Variants in CRPPA observed in about 807,000 individuals in gnomAD.
CRPPA encodes CDP-L-ribitol pyrophosphorylase A, also known as D-ribitol-5-phosphate cytidylyltransferase.
A neutral mutation model predicts 52.0 loss-of-function variants in CRPPA; 43 were observed. The ratio of observed to expected loss-of-function variants is 0.83; its 90% CI spans 0.65 to 1.07. The LOEUF (loss-of-function observed/expected upper bound fraction) is 1.07, where lower values mean the gene tolerates loss of function less well. Ranked by LOEUF, CRPPA falls within the 50% of genes least tolerant of loss-of-function variation. CRPPA has a pLI of 0.00. For synonymous variants in CRPPA, 250 were observed against 203.5 expected (o/e 1.23, Z -1.94); for missense variants, 629 against 551.7 (o/e 1.14, Z -1.40).
intron 9 of CRPPA, among the ~76,000 whole-genome samples, chr7:16,128,383 T>C (rs779077956): frequency 4.6e-5 from 7 of 152,148 alleles, no homozygotes; most frequent in Non-Finnish European, 1.0e-4. Context: ...TGATCAAAAG[T>C]CCTATTTTTT....
chr7:16,411,399 T>G (rs1336997530), intron 1 of CRPPA, among the ~76,000 whole-genome samples: 1 of 152,162 alleles, frequency 6.6e-6, no homozygotes, highest in Non-Finnish European at 1.5e-5. Context: ...TCATTGCATC[T>G]ACAGCACTTC....
intron 2 of CRPPA, among the ~76,000 whole-genome samples, chr7:16,385,115 T>C (rs1228351845): frequency 1.3e-5 from 2 of 150,320 alleles, no homozygotes; most frequent in African/African-American, 2.5e-5. Context: ...CGTAATACAA[T>C]CCAAACAAAT....
At chr7:16,378,217 GT>G in intron 2 of CRPPA, among the ~76,000 whole-genome samples, 1 of 151,124 alleles carries the variant, frequency 6.6e-6, no homozygotes, top group East Asian at 2.0e-4. Context: ...CCATTAACTT[GT>G]TATTTAGCAT....
chr7:16,278,213 T>C lies in CRPPA; in HGVS notation c.849A>G (p.Gln283=). ...CTGTATCCATAACTACACAAATCTC[T>C]TGGGAAATTCTCTCTGAAATTAAAA... ...AESIIKERIS[Q]EICVVMDTEE... The change falls in exon 6 of 10, where the codon CAA becomes CAG. Residue 283 remains glutamine, a synonymous_variant. Coordinates refer to ENST00000407010, the MANE Select transcript of CRPPA (RefSeq NM_001101426.4). 2.0e-6 allele frequency: 3 copies of C among 1,535,440 alleles called. No homozygotes were observed. The highest frequency in any genetic ancestry group is 2.7e-6 in the Non-Finnish European group (3 of 1,125,358).
At chr7:16,364,709 T>C (rs1007089327) in intron 3 of CRPPA, among the ~76,000 whole-genome samples, 86 of 152,308 alleles carry the variant, frequency 5.6e-4, no homozygotes, top group African/African-American at 2.0e-3. Flanking sequence ...GCATGAATTC[T>C]CTTGGGTTTC....
At chr7:16,414,067 G>A (rs1481276005) in intron 1 of CRPPA, among the ~76,000 whole-genome samples, 1 of 152,072 alleles carries the variant, frequency 6.6e-6, no homozygotes, top group Non-Finnish European at 1.5e-5. Flanking sequence ...AAGATTTATA[G>A]GGGAGGCCGA....
chr7:16,379,020 T>G (rs895532165), intron 2 of CRPPA, among the ~76,000 whole-genome samples: 3 of 152,314 alleles, frequency 2.0e-5, no homozygotes, highest in Admixed American at 2.0e-4. Flanking sequence ...CTTTGTCAGA[T>G]GAGTAGGTTG....
chr7:16,099,768 T>C (rs572438672), intron 9 of CRPPA, among the ~76,000 whole-genome samples: 38 of 152,334 alleles, frequency 2.5e-4, no homozygotes, highest in African/African-American at 9.1e-4. Flanking sequence ...TTTTATTTTC[T>C]TAAATCAATC....
chr7:16,215,807 G>C (rs959399441), intron 9 of CRPPA, among the ~76,000 whole-genome samples: 2 of 152,100 alleles, frequency 1.3e-5, no homozygotes, highest in African/African-American at 4.8e-5. Context: ...ACTTTTATTT[G>C]ATAAACCTGA....
In CRPPA at chr7:16,421,172, A is replaced by G. The variant is rs1243647213; in HGVS notation, c.151T>C (p.Leu51=). 7.5e-7 allele frequency: 1 copy of G among 1,339,640 alleles called. No individual in the cohort carries two copies. The highest frequency in any genetic ancestry group is 9.6e-7 in the Non-Finnish European group (1 of 1,040,082). 83.0% of individuals were successfully genotyped at this position (1,339,640 alleles called of 1,614,324 possible). The change falls in exon 1 of 10, where the codon TTG becomes CTG. Residue 51 remains leucine (L), a synonymous_variant. Coordinates refer to ENST00000407010, the MANE Select transcript of CRPPA (RefSeq NM_001101426.4). Reference sequence around the variant, plus strand: ...CTCTCCCCGCACCCCCCGGCAGGCAACACAGCTGCCACGGCTTGCGGGTGG... The same window carrying G: ...CTCTCCCCGCACCCCCCGGCAGGCAGCACAGCTGCCACGGCTTGCGGGTGG... The part of the protein sequence containing the change: ...GRHPQAVAAV[L]PAGGCGERMG...
intron 9 of CRPPA, among the ~76,000 whole-genome samples, chr7:16,134,631 T>C (rs888679214): frequency 6.6e-6 from 1 of 152,186 alleles, no homozygotes. Context: ...TTCAAGGGTA[T>C]AATAATCAAT....
chr7:16,277,981 C>G (rs1470505782), intron 6 of CRPPA, 148 bp downstream of exon 6: 2 of 625,166 alleles, frequency 3.2e-6, no homozygotes, highest in Non-Finnish European at 5.7e-6. Flanking sequence ...ATCCTAAGTG[C>G]TGGCAGACCA....
chr7:16,126,357 C>G lies in CRPPA; in HGVS notation c.1252-34558G>C, dbSNP rs17169275. ...AAAAAGGATTCCCATATAAAGGAAA[C>G]AAACTATCAGGATGCAAGGCCCAAA... On this transcript the variant is annotated intron_variant, in intron 9 of 9. Coordinates refer to ENST00000407010, the MANE Select transcript of CRPPA (RefSeq NM_001101426.4). Among the ~76,000 whole-genome samples the G allele has an allele frequency of 1.7e-3, 261 of 152,196 alleles. No homozygotes were observed. The East Asian group carries it at 0.028, about 16-fold the overall frequency.
intron 3 of CRPPA, among the ~76,000 whole-genome samples, chr7:16,368,911 A>G (rs1010766552): frequency 6.6e-6 from 1 of 152,224 alleles, no homozygotes; most frequent in African/African-American, 2.4e-5. Context: ...ATGCACATAT[A>G]TAACTCACAT....
At position 16,376,154 on chromosome 7, in the gene CRPPA, G is replaced by T. The variant is rs1786878351; in HGVS notation, c.622C>A (p.His208Asn). 6.2e-7 allele frequency: 1 copy of T among 1,613,066 alleles called. No individual in the cohort carries two copies. The highest frequency in any genetic ancestry group is 8.5e-7 in the Non-Finnish European group (1 of 1,179,546). The change falls in exon 3 of 10, where the codon CAC becomes AAC. Residue 208 changes from histidine (H) to asparagine (N), a missense_variant. Physicochemically the swap from His to Asn is moderately conservative, Grantham distance 68. Coordinates refer to ENST00000407010, the MANE Select transcript of CRPPA (RefSeq NM_001101426.4). ...GCTTGGGGCATTTCACTTGCTCTGTGTCTGGCACGTTCTAGCGAGTAGTCT... is the reference window on the plus strand; with the variant it reads ...GCTTGGGGCATTTCACTTGCTCTGTTTCTGGCACGTTCTAGCGAGTAGTCT... Reference protein sequence around the residue: ...CLDYSLERARHRASEMPQAFL... With the variant: ...CLDYSLERARNRASEMPQAFL...
chr7:16,178,703 G>A (rs1424664061), intron 9 of CRPPA, among the ~76,000 whole-genome samples: 4 of 151,992 alleles, frequency 2.6e-5, no homozygotes, highest in Non-Finnish European at 5.9e-5. Context: ...GATCTTAAGA[G>A]TATGGATACA....
At chr7:16,312,376 G>A (rs1277140067) in intron 3 of CRPPA, among the ~76,000 whole-genome samples, 10 of 151,898 alleles carry the variant, frequency 6.6e-5, no homozygotes, top group Non-Finnish European at 1.2e-4. Flanking sequence ...GGTTGCTAAC[G>A]TAAAGAGTAA....
At chr7:16,165,312 G>C (rs1265347557) in intron 9 of CRPPA, among the ~76,000 whole-genome samples, 1 of 151,122 alleles carries the variant, frequency 6.6e-6, no homozygotes, top group East Asian at 1.9e-4. Context: ...AATACTAAGA[G>C]ATGAAATGAT....
At chr7:16,095,792 A>G (rs1359781641) in intron 9 of CRPPA, among the ~76,000 whole-genome samples, 1 of 152,240 alleles carries the variant, frequency 6.6e-6, no homozygotes, top group Non-Finnish European at 1.5e-5. Context: ...TGCAGGCAGC[A>G]TGCCTGACAG....
Sources: allele counts gnomAD v4.1 joint callset (sites outside exome capture counted in the v4.1 genomes callset), GRCh38; gene constraint gnomAD v4.1.1; transcripts MANE v1.5; gene names NCBI Gene and HGNC (gene_info 2026-07-23, HGNC 2026-07-21).